Variants in CCDC34 observed in about 807,000 individuals in gnomAD.
CCDC34 encodes coiled-coil domain-containing protein 34.
A neutral mutation model predicts 44.1 loss-of-function variants in CCDC34; 40 were observed. The observed-to-expected ratio is 0.91, with a 90% confidence interval of 0.70 to 1.18. CCDC34 has a LOEUF of 1.18. Among genes scored for constraint, CCDC34 ranks in the 50% most tolerant of loss-of-function variants. CCDC34 has a pLI of 0.00. For missense variants in CCDC34, 466 were observed against 452.3 expected, an observed-to-expected ratio of 1.03 and a Z score of -0.28; for synonymous variants, 159 against 158.2, an observed-to-expected ratio of 1.01 and a Z score of -0.04.
chr11:27,345,059 T>G (rs902141076), intron 3 of CCDC34, among the ~76,000 whole-genome samples: 4 of 152,200 alleles, frequency 2.6e-5, no homozygotes, highest in Non-Finnish European at 5.9e-5. Flanking sequence ...CAATTGATTT[T>G]AAACAAAGGT....
intron 1 of CCDC34, among the ~76,000 whole-genome samples, chr11:27,360,812 A>C: frequency 6.6e-6 from 1 of 152,238 alleles, no homozygotes; most frequent in East Asian, 1.9e-4. Flanking sequence ...ACTTTTTATA[A>C]CACAAAGTGC....
At chr11:27,351,447 C>A (rs900177244) in intron 2 of CCDC34, among the ~76,000 whole-genome samples, 4 of 152,150 alleles carry the variant, frequency 2.6e-5, no homozygotes, top group Non-Finnish European at 5.9e-5. Flanking sequence ...ATCACTCATC[C>A]TAAAATTCTG....
intron 1 of CCDC34, 39 bp downstream of exon 1, chr11:27,362,796 CT>C (rs1862686532): frequency 2.5e-6 from 4 of 1,593,618 alleles, no homozygotes; most frequent in Admixed American, 3.4e-5. Flanking sequence ...TCTAAGGAAT[CT>C]TGAAAAGGGC....
chr11:27,344,522 G>T (rs1862407340), intron 3 of CCDC34, among the ~76,000 whole-genome samples: 1 of 151,494 alleles, frequency 6.6e-6, no homozygotes, highest in African/African-American at 2.4e-5. Flanking sequence ...CTATAAACCT[G>T]TGTTGTACAT....
intron 3 of CCDC34, 94 bp downstream of exon 3, chr11:27,350,233 TAAGAG>T: frequency 6.2e-7 from 1 of 1,601,730 alleles, no homozygotes; most frequent in Non-Finnish European, 8.5e-7. Context: ...AGAAAGACTC[TAAGAG>T]AAGTATTTTT....
In CCDC34 at chr11:27,341,512, C is replaced by T. The variant is rs1862358500; in HGVS notation, c.645G>A (p.Met215Ile). ...KEREQKINKE[M>I]EEKAAKELEK... is the part of the protein sequence containing the mutation. ...CCAGTTCCTTTGCTGCTTTTTCCTCCATTTCTTTATTAATTTTTTGTTCTC... is the reference window on the plus strand; with the variant it reads ...CCAGTTCCTTTGCTGCTTTTTCCTCTATTTCTTTATTAATTTTTTGTTCTC... Residue 215 changes from methionine (M) to isoleucine (I), a missense_variant, in exon 4 of 6, where the codon ATG becomes ATA. Physicochemically the swap from Met to Ile is conservative, Grantham distance 10 (BLOSUM62 1). Transcript: ENST00000328697. 2 of 1,361,324 alleles carry T rather than the reference C, an allele frequency of 1.5e-6. No homozygotes were observed. Among genetic ancestry groups the T allele is most frequent in the East Asian group, 2.6e-5 (1 of 38,264 alleles). 84.3% of individuals were successfully genotyped at this position (1,361,324 alleles called of 1,614,324 possible).
chr11:27,341,084 G>T, intron 4 of CCDC34, among the ~76,000 whole-genome samples: 1 of 152,058 alleles, frequency 6.6e-6, no homozygotes, highest in East Asian at 1.9e-4. Context: ...TGTTTTCAAA[G>T]AATAGTAATT....
At chr11:27,349,449 T>C (rs1862475510) in intron 3 of CCDC34, 1 of 820,976 alleles carries the variant, frequency 1.2e-6, no homozygotes, top group Non-Finnish European at 1.5e-6. Flanking sequence ...TTAGTACTCT[T>C]ATTAATACCA....
At chr11:27,357,000 C>T (rs1317099006) in intron 2 of CCDC34, among the ~76,000 whole-genome samples, 3 of 149,952 alleles carry the variant, frequency 2.0e-5, no homozygotes, top group Non-Finnish European at 3.0e-5. Context: ...AAAATTTTGC[C>T]GAGTGTATAC....
At position 27,363,116 on chromosome 11, in the gene CCDC34, G is replaced by T; in HGVS notation, c.79C>A (p.Arg27=). The T allele has an allele frequency of 6.3e-7, 1 of 1,583,210 alleles. No individual in the cohort carries two copies. Among genetic ancestry groups the T allele is most frequent in the Non-Finnish European group, 8.6e-7 (1 of 1,164,384 alleles). The change falls in exon 1 of 6, where the codon CGG becomes AGG. Residue 27 remains arginine, a synonymous_variant. Transcript: ENST00000328697. ...GFSADCRPRS[R]PSSDSCSVPM... ...ACTGAGCAGGAGTCCGAGGAGGGCCGAGACCTGGGTCTGCAGTCAGCAGAG... is the reference window on the plus strand; with the variant it reads ...ACTGAGCAGGAGTCCGAGGAGGGCCTAGACCTGGGTCTGCAGTCAGCAGAG...
At position 27,362,901 on chromosome 11, in the gene CCDC34, T is replaced by TTCATCCACGTCTTCCTCA. The variant is rs138931796; in HGVS notation, c.276_293dup (p.Asp92_Asp97dup). On this transcript the variant is annotated inframe_insertion, in exon 1 of 6. Coordinates refer to ENST00000328697, the MANE Select transcript of CCDC34 (RefSeq NM_030771.2). ...CTTTGGCCTCTGAATCATGGGCATCTTCATCCACGTCTTCCTCATCATCCA... is the reference window on the plus strand; with the variant it reads ...CTTTGGCCTCTGAATCATGGGCATCTTCATCCACGTCTTCCTCATCATCCACGTCTTCCTCATCATCCA... 7.9e-5 allele frequency: 127 copies of TTCATCCACGTCTTCCTCA among 1,614,126 alleles called. No individual in the cohort carries two copies. In the Middle Eastern group the frequency reaches 8.2e-4, roughly 10 times the overall value.
chr11:27,355,454 G>A (rs1379178408), intron 2 of CCDC34, among the ~76,000 whole-genome samples: 2 of 152,260 alleles, frequency 1.3e-5, no homozygotes, highest in East Asian at 3.9e-4. Flanking sequence ...GGTAAGAGAA[G>A]TAAGTCTGGG....
chr11:27,342,329 A>ATTTATAT (rs1424576861), intron 3 of CCDC34, among the ~76,000 whole-genome samples: 1 of 144,254 alleles, frequency 6.9e-6, no homozygotes, highest in Non-Finnish European at 1.5e-5. Context: ...ACACACACAC[A>ATTTATAT]CATTTATATA....
At chr11:27,354,204 G>A (rs1810466880) in intron 2 of CCDC34, among the ~76,000 whole-genome samples, 1 of 152,176 alleles carries the variant, frequency 6.6e-6, no homozygotes, top group Non-Finnish European at 1.5e-5. Context: ...TCACTTCAGA[G>A]TTGAGTAATA....
intron 1 of CCDC34, among the ~76,000 whole-genome samples, chr11:27,360,356 AT>A (rs1243195584): frequency 6.6e-6 from 1 of 152,236 alleles, no homozygotes; most frequent in Non-Finnish European, 1.5e-5. Flanking sequence ...TTGAAGGTCA[AT>A]GCATCCTCTA....
intron 3 of CCDC34, among the ~76,000 whole-genome samples, chr11:27,341,885 C>T (rs1294143111): frequency 6.6e-6 from 1 of 152,112 alleles, no homozygotes; most frequent in Non-Finnish European, 1.5e-5. Context: ...TTTGAGGGAC[C>T]TGGTGGGAGG....
chr11:27,360,866 A>G (rs1042791064), intron 1 of CCDC34, among the ~76,000 whole-genome samples: 1 of 152,222 alleles, frequency 6.6e-6, no homozygotes, highest in African/African-American at 2.4e-5. Flanking sequence ...ATGTGGAGAC[A>G]TGGTTAGATA....
In CCDC34 at chr11:27,363,113, G is replaced by C; in HGVS notation, c.82C>G (p.Pro28Ala). Residue 28 changes from proline to alanine, a missense_variant, in exon 1 of 6, where the codon CCC (proline) becomes GCC (alanine). Physicochemically the swap from Pro to Ala is conservative, Grantham distance 27. Transcript: ENST00000328697. ...GGGACTGAGCAGGAGTCCGAGGAGG[G>C]CCGAGACCTGGGTCTGCAGTCAGCA... ...FSADCRPRSR[P>A]SSDSCSVPMT... The C allele has an allele frequency of 6.3e-7, 1 of 1,585,556 alleles. No homozygotes were observed. The highest frequency in any genetic ancestry group is 1.1e-5 in the South Asian group (1 of 87,644).
rs1184737717 is a variant in CCDC34 at position 27,362,818 on chromosome 11, G to A, written c.359+18C>T. 1.9e-6 allele frequency: 3 copies of A among 1,608,852 alleles called. No homozygotes were observed. The highest frequency in any genetic ancestry group is 1.3e-5 in the African/African-American group (1 of 74,896). On this transcript the variant is annotated intron_variant, in intron 1 of 5. Transcript: ENST00000328697. ...AATCTTGAAAAGGGCTGAATCGGCCGGGCGGCCTCGGGTTTACCTGGCGCA... is the reference window on the plus strand; with the variant it reads ...AATCTTGAAAAGGGCTGAATCGGCCAGGCGGCCTCGGGTTTACCTGGCGCA...
Sources: gnomAD v4.1 joint callset for allele counts (sites outside exome capture counted in the v4.1 genomes callset) on GRCh38, gnomAD v4.1.1 for gene constraint, MANE v1.5 for transcripts, NCBI Gene and HGNC (gene_info 2026-07-23, HGNC 2026-07-21) for gene names.